The following PTPRG variants were observed in gnomAD, a reference collection of about 807,000 sequenced individuals.
PTPRG encodes the protein protein tyrosine phosphatase receptor type G, also known as receptor-type tyrosine-protein phosphatase gamma.
In PTPRG, 102 loss-of-function variants were observed where a neutral mutation model predicts 165.3. The observed-to-expected ratio is 0.62, with a 90% CI of 0.53 to 0.73. PTPRG has a LOEUF of 0.73. PTPRG is among the 30% of genes least tolerant of loss of function. The pLI is 0.00. For synonymous variants in PTPRG, 675 were observed against 669.5 expected, an observed-to-expected ratio of 1.01 and a Z score of -0.13; for missense variants, 1,866 against 1,861.4, an observed-to-expected ratio of 1.00 and a Z score of -0.05.
intron 1 of PTPRG, among the ~76,000 whole-genome samples, chr3:61,673,788 AG>A (rs1359175037): frequency 6.6e-6 from 1 of 152,092 alleles, no homozygotes; most frequent in Non-Finnish European, 1.5e-5. Flanking sequence ...CTGGATTGGG[AG>A]GATTGGAGTA....
At chr3:62,265,740 CA>C (rs1701842280) in intron 17 of PTPRG, among the ~76,000 whole-genome samples, 1 of 151,988 alleles carries the variant, frequency 6.6e-6, no homozygotes, top group Non-Finnish European at 1.5e-5. Context: ...CAAGGCTCAC[CA>C]CTGCTGTGAC....
chr3:61,641,068 G>T (rs980427984), intron 1 of PTPRG, among the ~76,000 whole-genome samples: 1 of 152,130 alleles, frequency 6.6e-6, no homozygotes, highest in Non-Finnish European at 1.5e-5. Flanking sequence ...GCAACTAGAG[G>T]CATATTTACA....
rs147897609 is a variant in PTPRG at position 62,132,988 on chromosome 3, C to G, written c.682+320C>G. Among the ~76,000 whole-genome samples the G allele has an allele frequency of 1.4e-3, 220 of 152,296 alleles. 2 individuals are homozygous for G. Among genetic ancestry groups the G allele is most frequent in the African/African-American group, 5.0e-3 (207 of 41,568 alleles). On this transcript the variant is annotated intron_variant, in intron 6 of 29. Coordinates refer to ENST00000474889, the MANE Select transcript of PTPRG (RefSeq NM_002841.4). ...GTTTCATATCTCTCCTAAAAATATT[C>G]TTTCAGTTGTCTTTTCACCTATAAA...
At chr3:61,574,024 TA>T (rs1469464534) in intron 1 of PTPRG, among the ~76,000 whole-genome samples, 1 of 151,566 alleles carries the variant, frequency 6.6e-6, no homozygotes, top group Non-Finnish European at 1.5e-5. Flanking sequence ...GCAATGGTAG[TA>T]AACCTTTTTT....
intron 4 of PTPRG, among the ~76,000 whole-genome samples, chr3:62,040,149 A>G (rs530792008): frequency 1.5e-4 from 23 of 151,992 alleles, no homozygotes; most frequent in Non-Finnish European, 2.9e-4. Flanking sequence ...ATTTTGAAAG[A>G]CTCCTCCTAA....
At chr3:61,582,293 T>G (rs1424412122) in intron 1 of PTPRG, among the ~76,000 whole-genome samples, 13 of 152,140 alleles carry the variant, frequency 8.5e-5, no homozygotes, top group Non-Finnish European at 1.9e-4. Flanking sequence ...TTTATTAATT[T>G]TTTGGTGCTG....
intron 5 of PTPRG, among the ~76,000 whole-genome samples, chr3:62,102,148 CTTGTTTCTTA>C (rs1376337048): frequency 6.6e-6 from 1 of 152,152 alleles, no homozygotes; most frequent in African/African-American, 2.4e-5. Flanking sequence ...CTGAGGGGGT[CTTGTTTCTTA>C]TCCATTTTTG....
intron 1 of PTPRG, among the ~76,000 whole-genome samples, chr3:61,578,170 G>A (rs191870333): frequency 5.6e-4 from 86 of 152,300 alleles, no homozygotes; most frequent in Admixed American, 5.4e-3. Flanking sequence ...ACCTGTGTGG[G>A]TTGCAGACTG....
At chr3:62,043,754 C>G (rs1340945013) in intron 4 of PTPRG, among the ~76,000 whole-genome samples, 2 of 152,106 alleles carry the variant, frequency 1.3e-5, no homozygotes, top group South Asian at 2.1e-4. Context: ...AAAGGATAGA[C>G]TCTTGAGTTC....
chr3:62,275,153 A>G (rs569447134), intron 23 of PTPRG, among the ~76,000 whole-genome samples: 10 of 152,318 alleles, frequency 6.6e-5, no homozygotes, highest in African/African-American at 2.2e-4. Flanking sequence ...GGTTCAACCA[A>G]GCTACATAAA....
chr3:62,192,404 T>G (rs1260957383), intron 9 of PTPRG, among the ~76,000 whole-genome samples: 2 of 116,242 alleles, frequency 1.7e-5, no homozygotes, highest in African/African-American at 6.4e-5. Context: ...TTTTTTTTTT[T>G]TTTTTTTTTT....
chr3:61,938,674 A>G (rs1029001456), intron 2 of PTPRG, among the ~76,000 whole-genome samples: 1 of 152,100 alleles, frequency 6.6e-6, no homozygotes, highest in African/African-American at 2.4e-5. Context: ...CAGTTGAAAT[A>G]TTTGCTGTTG....
At chr3:61,585,868 T>C (rs1469314816) in intron 1 of PTPRG, among the ~76,000 whole-genome samples, 2 of 152,242 alleles carry the variant, frequency 1.3e-5, no homozygotes, top group Non-Finnish European at 2.9e-5. Context: ...TGGCACAAAA[T>C]TCTTGAAGAA....
chr3:61,714,710 G>C (rs919216507), intron 1 of PTPRG, among the ~76,000 whole-genome samples: 2 of 152,178 alleles, frequency 1.3e-5, no homozygotes, highest in African/African-American at 4.8e-5. Flanking sequence ...CCTTCCACCA[G>C]GAGGGCTGCC....
chr3:61,821,538 T>C (rs916444680), intron 2 of PTPRG, among the ~76,000 whole-genome samples: 5 of 152,162 alleles, frequency 3.3e-5, no homozygotes, highest in Admixed American at 6.5e-5. Flanking sequence ...TTATGGGAAA[T>C]AGTATTTCTT....
intron 1 of PTPRG, among the ~76,000 whole-genome samples, chr3:61,659,612 A>T (rs138097822): frequency 3.9e-5 from 6 of 152,284 alleles, no homozygotes; most frequent in Non-Finnish European, 4.4e-5. Flanking sequence ...ATTAGATTCC[A>T]TGTGGTATAC....
At position 62,273,756 on chromosome 3, in the gene PTPRG, A is replaced by C; in HGVS notation, c.3377A>C (p.Glu1126Ala). 6.2e-7 allele frequency: 1 copy of C among 1,613,726 alleles called. No individual in the cohort carries two copies. Among genetic ancestry groups the C allele is most frequent in the African/African-American group, 1.3e-5 (1 of 75,030 alleles). The change falls in exon 23 of 30, where the codon GAA becomes GCA. Residue 1126 changes from glutamate (E) to alanine (A), a missense_variant. This residue lies in a region of PTPRG where 1,452 missense variants were observed against 1,463.0 expected (regional missense o/e 0.99). Transcript: ENST00000474889. This position sits in a 1 kb window ranked among gnomAD's most constrained non-coding sequence, Gnocchi z 4.1. ...GAAGCCATTCTTGGAAAGGAGACTG[A>C]AGTATCTTCAAATCAGCTGCACAGC... Reference protein sequence around the residue: ...LLEAILGKETEVSSNQLHSYV... With the variant: ...LLEAILGKETAVSSNQLHSYV...
intron 3 of PTPRG, among the ~76,000 whole-genome samples, chr3:61,999,513 G>T (rs1218280161): frequency 6.6e-6 from 1 of 152,268 alleles, no homozygotes; most frequent in East Asian, 1.9e-4. Context: ...ACCATTCATT[G>T]TTCTCCTGTC....
chr3:62,149,337 G>A (rs532585815), intron 6 of PTPRG, among the ~76,000 whole-genome samples: 8 of 148,022 alleles, frequency 5.4e-5, no homozygotes, highest in African/African-American at 1.0e-4. Flanking sequence ...GCAGTGGCGC[G>A]ATCTTGGCTC....
Sources: allele counts gnomAD v4.1 joint callset (sites outside exome capture counted in the v4.1 genomes callset), GRCh38; gene constraint gnomAD v4.1.1; regional missense constraint gnomAD v4.1.1; non-coding constraint Gnocchi (gnomAD v3.1); transcripts MANE v1.5; gene names NCBI Gene and HGNC (gene_info 2026-07-23, HGNC 2026-07-21).